Variants in KIAA1217 observed in about 807,000 individuals in gnomAD.
The protein encoded by KIAA1217 is KIAA1217.
KIAA1217 carries 88 observed loss-of-function variants against 163.9 expected under a neutral mutation model. The ratio of observed to expected loss-of-function variants is 0.54; its 90% CI spans 0.45 to 0.64. The LOEUF (loss-of-function observed/expected upper bound fraction) is 0.64, where lower values mean the gene tolerates loss of function less well. KIAA1217 is among the 30% of genes least tolerant of loss of function. KIAA1217 has a pLI of 0.00. For missense variants in KIAA1217, 2,372 were observed against 2,475.0 expected (o/e 0.96, Z 0.88); for synonymous variants, 903 against 923.1 (o/e 0.98, Z 0.39).
chr10:23,894,518 A>C (rs1332181446), intron 1 of KIAA1217, among the ~76,000 whole-genome samples: 1 of 149,964 alleles, frequency 6.7e-6, no homozygotes, highest in African/African-American at 2.5e-5. Context: ...AGAACATTCC[A>C]TGCTCATGGG....
At chr10:23,729,914 T>A (rs549207054) in intron 1 of KIAA1217, among the ~76,000 whole-genome samples, 1 of 152,250 alleles carries the variant, frequency 6.6e-6, no homozygotes, top group East Asian at 1.9e-4. Context: ...GAAATTTTTT[T>A]TTTTTTTGAC....
intron 2 of KIAA1217, among the ~76,000 whole-genome samples, chr10:24,289,505 G>A (rs1176320368): frequency 2.0e-5 from 3 of 152,068 alleles, no homozygotes; most frequent in Non-Finnish European, 4.4e-5. Flanking sequence ...TCGCAGTTGG[G>A]GCTGAATTGT....
intron 2 of KIAA1217, among the ~76,000 whole-genome samples, chr10:24,054,576 C>A (rs1849749953): frequency 6.6e-6 from 1 of 152,318 alleles, no homozygotes; most frequent in Non-Finnish European, 1.5e-5. Flanking sequence ...TTCCTCCCAA[C>A]AGAAACAAAT....
At chr10:23,989,423 G>A (rs1004967881) in intron 1 of KIAA1217, among the ~76,000 whole-genome samples, 7 of 152,146 alleles carry the variant, frequency 4.6e-5, no homozygotes, top group Non-Finnish European at 1.0e-4. Flanking sequence ...AGAAGTATGA[G>A]GGACAAAGGG....
intron 1 of KIAA1217, among the ~76,000 whole-genome samples, chr10:23,772,098 T>C (rs1834823107): frequency 6.6e-6 from 1 of 152,200 alleles, no homozygotes; most frequent in Admixed American, 6.5e-5. Flanking sequence ...ATTTGATGTG[T>C]GAAATTTAAG....
intron 2 of KIAA1217, among the ~76,000 whole-genome samples, chr10:24,127,552 C>T (rs575384575): frequency 6.6e-6 from 1 of 152,130 alleles, no homozygotes; most frequent in East Asian, 1.9e-4. Flanking sequence ...CGGTGTACAG[C>T]TTTGTAATCA....
chr10:24,497,755 G>A (rs1486820100), intron 8 of KIAA1217, among the ~76,000 whole-genome samples: 1 of 143,206 alleles, frequency 7.0e-6, no homozygotes, highest in East Asian at 2.3e-4. Flanking sequence ...CTGACTGGCT[G>A]ATAATTGAGT....
intron 2 of KIAA1217, chr10:24,158,037 C>G: frequency 1.3e-6 from 1 of 758,534 alleles, no homozygotes; most frequent in East Asian, 2.5e-5. Context: ...CCTTTACTTG[C>G]AGGTGGGTCA....
At chr10:24,071,794 G>T (rs369616942) in intron 2 of KIAA1217, among the ~76,000 whole-genome samples, 1 of 152,148 alleles carries the variant, frequency 6.6e-6, no homozygotes, top group African/African-American at 2.4e-5. Flanking sequence ...TTAGAAAGTA[G>T]AAGAAAAATA....
chr10:24,343,984 A>G (rs1468163696), intron 2 of KIAA1217, among the ~76,000 whole-genome samples: 2 of 152,110 alleles, frequency 1.3e-5, no homozygotes, highest in African/African-American at 4.8e-5. Flanking sequence ...GAGTGACTAT[A>G]TTTTTAGTTA....
At chr10:24,521,045 T>G (rs1399116126) in intron 11 of KIAA1217, among the ~76,000 whole-genome samples, 67 of 144,380 alleles carry the variant, frequency 4.6e-4, no homozygotes, top group Admixed American at 1.1e-3. Flanking sequence ...AAAAAAAGTT[T>G]TTTTTTTTTT....
In KIAA1217 at chr10:23,927,748, G is replaced by T. The variant is rs934717607; in HGVS notation, c.-320-79477G>T. ...ATGTCACCTGGTTTCCGTGTTGGGG[G>T]TTCTGCAGCAGATTCCCATATAAAC... is the stretch of plus-strand genomic sequence containing the variant. On this transcript the variant is annotated intron_variant, in intron 1 of 18. Coordinates refer to the KIAA1217 transcript ENST00000376462. Among the ~76,000 whole-genome samples the T allele has an allele frequency of 3.3e-5, 5 of 152,242 alleles. No homozygotes were observed. The East Asian group carries it at 9.6e-4, about 29-fold the overall frequency.
rs552727938 is a variant in KIAA1217 at position 24,062,583 on chromosome 10, G to A, written c.-171+55209G>A. Reference sequence around the variant, plus strand: ...TTCCAAGTCTTTGCTATTGTGAATAGTGCCGTAATAAACATACGTGTGCAT... The same window carrying A: ...TTCCAAGTCTTTGCTATTGTGAATAATGCCGTAATAAACATACGTGTGCAT... On this transcript the variant is annotated intron_variant, in intron 2 of 18. Transcript: ENST00000376462. 5.7e-3 allele frequency among the ~76,000 whole-genome samples: 859 copies of A among 151,160 alleles called. 9 individuals carry two copies. The highest frequency in any genetic ancestry group is 0.02 in the African/African-American group (796 of 40,712).
chr10:24,010,506 A>G (rs1319428249), intron 2 of KIAA1217, among the ~76,000 whole-genome samples: 1 of 151,696 alleles, frequency 6.6e-6, no homozygotes, highest in Non-Finnish European at 1.5e-5. Context: ...TTTCATAGCA[A>G]TTGAAAACAT....
chr10:23,726,085 C>T (rs1335820), intron 1 of KIAA1217, among the ~76,000 whole-genome samples: 33,372 of 151,922 alleles, frequency 0.22, 3,909 homozygotes, highest in African/African-American at 0.29. Flanking sequence ...TTTCTTCCTA[C>T]GATTTTAAGG....
chr10:23,785,076 T>C (rs1835430761), intron 1 of KIAA1217, among the ~76,000 whole-genome samples: 1 of 152,168 alleles, frequency 6.6e-6, no homozygotes, highest in Non-Finnish European at 1.5e-5. Flanking sequence ...GGGCTTCTTA[T>C]CATCTTTAAA....
chr10:24,041,548 A>G (rs1848633894), intron 2 of KIAA1217, among the ~76,000 whole-genome samples: 1 of 152,156 alleles, frequency 6.6e-6, no homozygotes, highest in South Asian at 2.1e-4. Context: ...ACATACATAC[A>G]CATCCCATAA....
chr10:24,197,341 T>G (rs1405171834), intron 2 of KIAA1217, among the ~76,000 whole-genome samples: 1 of 152,220 alleles, frequency 6.6e-6, no homozygotes, highest in East Asian at 1.9e-4. Flanking sequence ...TTCTGACTTA[T>G]GGAAAAAAGA....
chr10:23,847,122 C>T (rs1839074276), intron 1 of KIAA1217, among the ~76,000 whole-genome samples: 2 of 152,162 alleles, frequency 1.3e-5, no homozygotes. Flanking sequence ...TAATGTGCTA[C>T]TGGATTCGGT....
Sources: gnomAD v4.1 joint callset for allele counts (sites outside exome capture counted in the v4.1 genomes callset) on GRCh38, gnomAD v4.1.1 for gene constraint, MANE v1.5 for transcripts, NCBI Gene and HGNC (gene_info 2026-07-23, HGNC 2026-07-21) for gene names.